Variants in KLF12 observed in about 807,000 individuals in gnomAD.
KLF12 encodes the protein KLF transcription factor 12.
KLF12 carries 9 observed loss-of-function variants against 37.8 expected under a neutral mutation model. The ratio of observed to expected loss-of-function variants is 0.24; its 90% CI spans 0.14 to 0.42. KLF12 has a LOEUF of 0.42. Ranked by LOEUF, KLF12 falls within the 10% of genes least tolerant of loss-of-function variation. KLF12 has a pLI of 1.00. For synonymous variants in KLF12, 208 were observed against 202.1 expected, an observed-to-expected ratio of 1.03 and a Z score of -0.25; for missense variants, 411 against 516.0, an observed-to-expected ratio of 0.80 and a Z score of 1.97.
the KLF12 span, among the ~76,000 whole-genome samples, chr13:74,239,988 G>C: frequency 3.3e-5 from 5 of 151,078 alleles, no homozygotes; most frequent in South Asian, 4.2e-4. Context: ...CTGTCATTAT[G>C]ATGTTAGCTG....
At chr13:74,069,929 G>C (rs560390566) in intron 1 of KLF12, among the ~76,000 whole-genome samples, 5 of 152,338 alleles carry the variant, frequency 3.3e-5, no homozygotes, top group East Asian at 3.9e-4. Context: ...TTGTGAACAT[G>C]ATGAGTTTGA....
the KLF12 span, chr13:74,258,853 G>GCAA: frequency 6.6e-6 from 1 of 152,280 alleles, no homozygotes; most frequent in African/African-American, 2.4e-5. Context: ...CAGTTTTTTT[G>GCAA]GAGTTGATCT....
rs1029438215 is a variant in KLF12 at position 73,693,176 on chromosome 13, G to A, written c.*2314C>T. ...CAACTAGGTGCTGGTACTAGTGCCA[G>A]GGGGTTCATGGCTGTGTTTGTCCCT... On this transcript the variant is annotated 3_prime_UTR_variant, in exon 8 of 8. Coordinates refer to ENST00000377669, the MANE Select transcript of KLF12 (RefSeq NM_007249.5). 1.3e-5 allele frequency: 2 copies of A among 152,222 alleles called. No individual in the cohort carries two copies. The highest frequency in any genetic ancestry group is 4.8e-5 in the African/African-American group (2 of 41,460). 9.4% of individuals were successfully genotyped at this position (152,222 alleles called of 1,614,324 possible).
chr13:73,980,966 C>G (rs1426295821), intron 2 of KLF12, among the ~76,000 whole-genome samples: 2 of 152,048 alleles, frequency 1.3e-5, no homozygotes, highest in African/African-American at 4.8e-5. Context: ...TCGAAACCAG[C>G]CTGGGCAACG....
At chr13:74,227,076 A>G in the KLF12 span, among the ~76,000 whole-genome samples, 1 of 152,078 alleles carries the variant, frequency 6.6e-6, no homozygotes, top group African/African-American at 2.4e-5. Context: ...GCCACTTCCC[A>G]TTAATATTAT....
chr13:74,178,243 C>T, the KLF12 span, among the ~76,000 whole-genome samples: 1 of 152,220 alleles, frequency 6.6e-6, no homozygotes, highest in Admixed American at 6.5e-5. Flanking sequence ...GTGGTGTTGA[C>T]AAGCTCCCAA....
intron 6 of KLF12, among the ~76,000 whole-genome samples, chr13:73,737,090 C>A (rs1397177563): frequency 6.6e-6 from 1 of 151,926 alleles, no homozygotes; most frequent in African/African-American, 2.4e-5. Flanking sequence ...TTTCTTCTTT[C>A]TTCTTACTAG....
At chr13:74,136,290 C>G (rs1437695885), upstream of KLF12, among the ~76,000 whole-genome samples, 1 of 152,160 alleles carries the variant, frequency 6.6e-6, no homozygotes, top group African/African-American at 2.4e-5. Context: ...GCCGCAACTC[C>G]CACTCCCTGA....
chr13:74,114,824 T>G (rs1593912341), intron 1 of KLF12, among the ~76,000 whole-genome samples: 2 of 152,098 alleles, frequency 1.3e-5, no homozygotes, highest in Non-Finnish European at 2.9e-5. Context: ...AATCCTCCAC[T>G]CCCTTTTTGC....
chr13:74,043,656 C>A (rs967020848), intron 1 of KLF12, among the ~76,000 whole-genome samples: 1 of 152,210 alleles, frequency 6.6e-6, no homozygotes, highest in Non-Finnish European at 1.5e-5. Context: ...AAAGGGATAA[C>A]AGCAGTATGT....
the KLF12 span, among the ~76,000 whole-genome samples, chr13:74,240,247 T>C: frequency 1.4e-4 from 20 of 147,910 alleles, no homozygotes; most frequent in Non-Finnish European, 2.4e-4. Context: ...AAAATTCTTT[T>C]CTTTAAGAAT....
intron 4 of KLF12, among the ~76,000 whole-genome samples, chr13:73,823,087 T>C (rs1883622676): frequency 6.6e-6 from 1 of 152,226 alleles, no homozygotes; most frequent in Non-Finnish European, 1.5e-5. Context: ...TTTTAGGCAT[T>C]AATCCATGGC....
At chr13:74,193,982 G>T in the KLF12 span, among the ~76,000 whole-genome samples, 1 of 152,110 alleles carries the variant, frequency 6.6e-6, no homozygotes, top group Non-Finnish European at 1.5e-5. Context: ...CTTTTGTTTT[G>T]CTGAACATTT....
At chr13:73,895,592 G>T (rs992746591) in intron 3 of KLF12, among the ~76,000 whole-genome samples, 1 of 152,148 alleles carries the variant, frequency 6.6e-6, no homozygotes, top group African/African-American at 2.4e-5. Flanking sequence ...GTTACAGGGT[G>T]AATTATGAAC....
rs1269160414 is a variant in KLF12 at position 73,849,374 on chromosome 13, A to AT, written c.124-3002dup. On this transcript the variant is annotated intron_variant, in intron 3 of 7. Transcript: ENST00000377669. ...AGCTTGGGCAACAGAGGGAGACTCCATAAAAAAAAAAAAAAAAAAAAAAAA... is the reference window on the plus strand; with the variant it reads ...AGCTTGGGCAACAGAGGGAGACTCCATTAAAAAAAAAAAAAAAAAAAAAAAA... 8.8e-4 allele frequency among the ~76,000 whole-genome samples: 51 copies of AT among 58,034 alleles called. 1 individual carries two copies. Among genetic ancestry groups the AT allele is most frequent in the Admixed American group, 1.9e-3 (11 of 5,872 alleles). The allele number at this position is 58,034 out of a possible 152,430, so 38.1% of individuals were successfully genotyped here.
the KLF12 span, among the ~76,000 whole-genome samples, chr13:74,143,516 T>A: frequency 1.3e-5 from 2 of 152,198 alleles, no homozygotes; most frequent in African/African-American, 4.8e-5. Context: ...TTTCATATAA[T>A]AATTAATTTA....
intron 3 of KLF12, among the ~76,000 whole-genome samples, chr13:73,942,199 C>A (rs12583092): frequency 6.6e-6 from 1 of 151,946 alleles, no homozygotes; most frequent in Non-Finnish European, 1.5e-5. Flanking sequence ...ACCCACGATC[C>A]TGGCTTTGAC....
the KLF12 span, among the ~76,000 whole-genome samples, chr13:74,252,222 T>C: frequency 6.6e-6 from 1 of 152,222 alleles, no homozygotes; most frequent in Non-Finnish European, 1.5e-5. Context: ...AAGGTTCTGG[T>C]TGCTGCGCTT....
chr13:74,102,523 C>A (rs1876415119), intron 1 of KLF12, among the ~76,000 whole-genome samples: 1 of 151,864 alleles, frequency 6.6e-6, no homozygotes, highest in Non-Finnish European at 1.5e-5. Flanking sequence ...CCTGGAGAAA[C>A]CCTGTCTCTA....
Sources: gnomAD v4.1 joint callset for allele counts (sites outside exome capture counted in the v4.1 genomes callset) on GRCh38, gnomAD v4.1.1 for gene constraint, MANE v1.5 for transcripts, NCBI Gene and HGNC (gene_info 2026-07-23, HGNC 2026-07-21) for gene names.